The following CSMD3 variants were observed in gnomAD, a reference collection of about 807,000 sequenced individuals.
The protein encoded by CSMD3 is CUB and Sushi multiple domains 3, also known as CUB and sushi domain-containing protein 3.
A neutral mutation model predicts 435.2 loss-of-function variants in CSMD3; 177 were observed. The observed-to-expected ratio is 0.41, with a 90% CI of 0.36 to 0.46. The LOEUF is 0.46. Among genes scored for constraint, CSMD3 ranks in the 20% least tolerant of loss-of-function variants. CSMD3 has a pLI of 0.34. For synonymous variants in CSMD3, 1,656 were observed against 1,520.5 expected (o/e 1.09, Z -2.07); for missense variants, 4,265 against 4,504.6 (o/e 0.95, Z 1.52).
intron 46 of CSMD3, among the ~76,000 whole-genome samples, chr8:112,319,350 T>A (rs947485887): frequency 6.6e-6 from 1 of 152,124 alleles, no homozygotes; most frequent in Admixed American, 6.6e-5. Flanking sequence ...ATAATAATAA[T>A]AATGAATAAT....
At chr8:112,633,286 C>T (rs2074567408) in intron 22 of CSMD3, among the ~76,000 whole-genome samples, 1 of 139,600 alleles carries the variant, frequency 7.2e-6, no homozygotes, top group South Asian at 2.3e-4. Context: ...ATAATGCAGG[C>T]CAGATTTCCT....
At chr8:113,186,680 A>G (rs2092507697) in intron 3 of CSMD3, among the ~76,000 whole-genome samples, 1 of 151,976 alleles carries the variant, frequency 6.6e-6, no homozygotes, top group South Asian at 2.1e-4. Context: ...GGGCACTGCT[A>G]CACAATTAGA....
chr8:112,662,917 G>GA, intron 17 of CSMD3, among the ~76,000 whole-genome samples: 1 of 152,054 alleles, frequency 6.6e-6, no homozygotes, highest in East Asian at 1.9e-4. Context: ...AAAGACACAT[G>GA]AAAAAAATGC....
chr8:113,024,525 C>A (rs951883811), intron 5 of CSMD3, among the ~76,000 whole-genome samples: 1 of 152,094 alleles, frequency 6.6e-6, no homozygotes, highest in African/African-American at 2.4e-5. Flanking sequence ...TTTTGAGGAA[C>A]ATACATACTA....
intron 27 of CSMD3, among the ~76,000 whole-genome samples, chr8:112,542,650 A>G (rs1826787953): frequency 6.6e-6 from 1 of 152,198 alleles, no homozygotes; most frequent in Admixed American, 6.5e-5. Context: ...CAATAATGAA[A>G]GAAATTAAAG....
intron 10 of CSMD3, among the ~76,000 whole-genome samples, chr8:112,882,808 A>G (rs1333813350): frequency 6.6e-6 from 1 of 152,028 alleles, no homozygotes; most frequent in African/African-American, 2.4e-5. Context: ...AATGACACTT[A>G]AGAAACTTTT....
chr8:113,126,636 G>A (rs1342453771), intron 4 of CSMD3, among the ~76,000 whole-genome samples: 1 of 151,840 alleles, frequency 6.6e-6, no homozygotes, highest in African/African-American at 2.4e-5. Flanking sequence ...ATCGTAGATT[G>A]GCCAAAGGAT....
intron 4 of CSMD3, among the ~76,000 whole-genome samples, chr8:113,145,222 GCTATTGTAAAGA>G (rs2091645514): frequency 6.6e-6 from 1 of 151,514 alleles, no homozygotes; most frequent in Non-Finnish European, 1.5e-5. Flanking sequence ...AAATTTGAAG[GCTATTGTAAAGA>G]CTTGGCCTTT....
intron 5 of CSMD3, among the ~76,000 whole-genome samples, chr8:113,062,880 A>C (rs967396595): frequency 1.3e-5 from 2 of 151,726 alleles, no homozygotes; most frequent in African/African-American, 4.8e-5. Context: ...CATTTAATTA[A>C]TCTGAAAATA....
At chr8:113,194,812 A>T (rs1032127069) in intron 3 of CSMD3, among the ~76,000 whole-genome samples, 3 of 151,286 alleles carry the variant, frequency 2.0e-5, no homozygotes, top group Admixed American at 6.6e-5. Flanking sequence ...ATCCTGCTAT[A>T]ATCTTTCACA....
chr8:112,703,792 GT>G (rs1325716639), intron 13 of CSMD3, among the ~76,000 whole-genome samples: 1 of 152,062 alleles, frequency 6.6e-6, no homozygotes, highest in African/African-American at 2.4e-5. Flanking sequence ...GTTAAACCAT[GT>G]CTCACCTTCA....
intron 6 of CSMD3, among the ~76,000 whole-genome samples, chr8:113,007,608 C>T (rs1446333856): frequency 1.3e-5 from 2 of 151,802 alleles, no homozygotes; most frequent in African/African-American, 2.4e-5. Context: ...TGTAAGCCAC[C>T]CAAGTTTGTG....
intron 38 of CSMD3, among the ~76,000 whole-genome samples, chr8:112,374,617 G>A (rs184207414): frequency 2.2e-4 from 33 of 152,042 alleles, no homozygotes; most frequent in Admixed American, 2.2e-3. Flanking sequence ...TTGTAGTGCT[G>A]GTATTTTTAA....
intron 5 of CSMD3, among the ~76,000 whole-genome samples, chr8:113,082,510 T>G (rs560283313): frequency 4.6e-5 from 7 of 151,966 alleles, no homozygotes; most frequent in Admixed American, 3.9e-4. Flanking sequence ...ATAAATCTAC[T>G]CCACAAAATT....
chr8:112,774,700 T>C (rs185294856), intron 13 of CSMD3, among the ~76,000 whole-genome samples: 19 of 152,132 alleles, frequency 1.2e-4, no homozygotes, highest in Non-Finnish European at 8.8e-5. Flanking sequence ...TCATTTTGTC[T>C]TTTAAAGGTC....
rs768203900 is a variant in CSMD3 at position 112,921,693 on chromosome 8, T to C, written c.1567A>G (p.Ser523Gly). Residue 523 changes from serine (S) to glycine (G), a missense_variant, in exon 10 of 71, where the codon AGC (serine) becomes GGC (glycine). Coordinates refer to ENST00000297405, the MANE Select transcript of CSMD3 (RefSeq NM_198123.2). ...TCAGCTATCCGTTGACAGGTGATGC[T>C]CTTTGCGCCCTGTAGGACATAATCT... ...DEDYVLQGAK[S>G]ITCQRIAEVF... is the part of the protein sequence containing the mutation. The C allele has an allele frequency of 6.8e-6, 11 of 1,611,252 alleles. No homozygotes were observed. Among genetic ancestry groups the C allele is most frequent in the South Asian group, 2.2e-5 (2 of 91,038 alleles).
At chr8:112,460,338 T>C (rs909804830) in intron 32 of CSMD3, among the ~76,000 whole-genome samples, 6 of 152,000 alleles carry the variant, frequency 3.9e-5, no homozygotes, top group Admixed American at 2.0e-4. Context: ...AGCACATTTC[T>C]ACAAATTTAG....
At chr8:112,481,777 T>C (rs1216158452) in intron 31 of CSMD3, among the ~76,000 whole-genome samples, 1 of 152,178 alleles carries the variant, frequency 6.6e-6, no homozygotes, top group Non-Finnish European at 1.5e-5. Context: ...ACAGCTACTA[T>C]TACCAGTATT....
At chr8:113,336,322 G>GA (rs553433798) in intron 1 of CSMD3, among the ~76,000 whole-genome samples, 59 of 151,358 alleles carry the variant, frequency 3.9e-4, no homozygotes, top group South Asian at 2.3e-3. Flanking sequence ...ACTTTCGCTT[G>GA]AAAAAAAATG....
Sources: allele counts gnomAD v4.1 joint callset (sites outside exome capture counted in the v4.1 genomes callset), GRCh38; gene constraint gnomAD v4.1.1; transcripts MANE v1.5; gene names NCBI Gene and HGNC (gene_info 2026-07-23, HGNC 2026-07-21).